PTPRA: variants seen among roughly 807,000 people sequenced by gnomAD.
PTPRA encodes protein tyrosine phosphatase receptor type A.
A neutral mutation model predicts 104.8 loss-of-function variants in PTPRA; 25 were observed. The ratio of observed to expected loss-of-function variants is 0.24; its 90% confidence interval spans 0.17 to 0.33. The LOEUF (loss-of-function observed/expected upper bound fraction) is 0.33, where lower values mean the gene tolerates loss of function less well. Among genes scored for constraint, PTPRA ranks in the 10% least tolerant of loss-of-function variants. The pLI is 1.00. For missense variants in PTPRA, 765 were observed against 1,015.3 expected (o/e 0.75, Z 3.35); for synonymous variants, 323 against 368.9 (o/e 0.88, Z 1.43).
At chr20:2,928,108 G>A (rs187847029) in intron 2 of PTPRA, among the ~76,000 whole-genome samples, 1 of 152,152 alleles carries the variant, frequency 6.6e-6, no homozygotes, top group Admixed American at 6.5e-5. Context: ...GACTCTTTCT[G>A]GTATCCGTTT....
intron 9 of PTPRA, among the ~76,000 whole-genome samples, chr20:2,993,140 TGA>T (rs2063258913): frequency 6.6e-6 from 1 of 152,176 alleles, no homozygotes; most frequent in Admixed American, 6.6e-5. Context: ...TGGATTAAAT[TGA>T]GAGATCAGAG....
intron 20 of PTPRA, among the ~76,000 whole-genome samples, chr20:3,029,158 T>TGTTTGTTG (rs1455672888): frequency 3.3e-5 from 5 of 150,452 alleles, no homozygotes; most frequent in African/African-American, 1.2e-4. Context: ...TTTGTTTGTT[T>TGTTTGTTG]GAGAGAGGGT....
intron 9 of PTPRA, among the ~76,000 whole-genome samples, chr20:3,001,478 C>T (rs1431412290): frequency 1.3e-5 from 2 of 152,174 alleles, no homozygotes; most frequent in Admixed American, 6.5e-5. Flanking sequence ...GCTGTCCCTA[C>T]GTCTGTTCTA....
rs372089558 is a variant in PTPRA, at chr20:2,988,016, A to T, written c.528-16A>T. 48 of 1,539,632 alleles carry T rather than the reference A, an allele frequency of 3.1e-5. No homozygotes were observed. The highest frequency in any genetic ancestry group is 3.4e-4 in the Middle Eastern group (2 of 5,950). On this transcript the variant is annotated splice_polypyrimidine_tract_variant and intron_variant, in intron 7 of 23. Coordinates refer to ENST00000399903, the MANE Select transcript of PTPRA (RefSeq NM_001385305.1). The stretch of plus-strand genomic sequence containing the variant: ...CCTCTGTGCTCCATTCTTCACTGTG[A>T]TCATTTTCTCATTAGGTTTAAGAAA...
At chr20:3,034,986 G>T (rs1421116534) in intron 20 of PTPRA, among the ~76,000 whole-genome samples, 2 of 152,132 alleles carry the variant, frequency 1.3e-5, no homozygotes, top group African/African-American at 4.8e-5. Flanking sequence ...GAGATGAAAA[G>T]AGACGCAGCC....
rs1443948654 is a variant in PTPRA at position 2,905,519 on chromosome 20, TTAAC to T, written c.-128-17684_-128-17681del. On this transcript the variant is annotated intron_variant, in intron 1 of 23. Coordinates refer to ENST00000399903, the MANE Select transcript of PTPRA (RefSeq NM_001385305.1). ...TGTAATTTTATAATTTAATTAAACA[TTAAC>T]TAATGAAATATGACTGCAAAAAGTA... is the stretch of plus-strand genomic sequence containing the variant. Among the ~76,000 whole-genome samples, 6 of 152,212 alleles carry T rather than the reference TTAAC, an allele frequency of 3.9e-5. No homozygotes were observed. In the East Asian group the frequency reaches 5.8e-4, roughly 15 times the overall value.
intron 5 of PTPRA, among the ~76,000 whole-genome samples, chr20:2,971,353 C>G (rs1277881134): frequency 6.6e-6 from 1 of 151,868 alleles, no homozygotes; most frequent in East Asian, 1.9e-4. Context: ...ATAAATGGAG[C>G]ATTTTCTTCC....
chr20:2,913,656 G>T (rs564692535), intron 1 of PTPRA, among the ~76,000 whole-genome samples: 1 of 127,946 alleles, frequency 7.8e-6, no homozygotes, highest in South Asian at 3.2e-4. Flanking sequence ...CACATAAATT[G>T]TGCTGTGTTC....
At chr20:2,881,168 G>A (rs988841262) in intron 1 of PTPRA, among the ~76,000 whole-genome samples, 2 of 146,266 alleles carry the variant, frequency 1.4e-5, no homozygotes, top group Admixed American at 6.7e-5. Flanking sequence ...TTCGCCGGGC[G>A]TGGTGGCGTG....
chr20:2,886,991 G>A (rs1325488666), intron 1 of PTPRA, among the ~76,000 whole-genome samples: 1 of 152,144 alleles, frequency 6.6e-6, no homozygotes, highest in Non-Finnish European at 1.5e-5. Context: ...TATAATGGGG[G>A]TGAAAAAATG....
chr20:2,896,390 C>CA (rs1370060941), intron 1 of PTPRA, among the ~76,000 whole-genome samples: 3 of 151,702 alleles, frequency 2.0e-5, no homozygotes, highest in African/African-American at 7.3e-5. Flanking sequence ...AAAACAAAAA[C>CA]AAAAAACAAA....
At chr20:2,910,317 A>ATATATATTTTGTATAT in intron 1 of PTPRA, among the ~76,000 whole-genome samples, 1 of 61,362 alleles carries the variant, frequency 1.6e-5, no homozygotes, top group African/African-American at 4.8e-5. Flanking sequence ...ATATATTATA[A>ATATATATTTTGTATAT]TATATATTTT....
chr20:2,883,651 C>CAAA (rs71195803), intron 1 of PTPRA, among the ~76,000 whole-genome samples: 1 of 3,238 alleles, frequency 3.1e-4, no homozygotes, highest in Non-Finnish European at 4.5e-4. Context: ...GACTCCGTCT[C>CAAA]AAAAAAAAAA....
chr20:2,909,920 AT>A, intron 1 of PTPRA, among the ~76,000 whole-genome samples: 1 of 131,190 alleles, frequency 7.6e-6, no homozygotes, highest in African/African-American at 3.0e-5. Flanking sequence ...TATATGTTAT[AT>A]ATTGTTATAT....
intron 11 of PTPRA, among the ~76,000 whole-genome samples, chr20:3,014,414 G>A (rs1413215713): frequency 6.6e-6 from 1 of 152,040 alleles, no homozygotes; most frequent in African/African-American, 2.4e-5. Flanking sequence ...AAGGTGGGCG[G>A]ATCATCTGAG....
upstream of PTPRA, among the ~76,000 whole-genome samples, chr20:2,870,029 A>G (rs1192973263): frequency 6.6e-6 from 1 of 151,118 alleles, no homozygotes; most frequent in African/African-American, 2.4e-5. Flanking sequence ...TTCTCAGGGT[A>G]AGGGGCTGTA....
chr20:2,991,664 G>C (rs1294047750), intron 9 of PTPRA, among the ~76,000 whole-genome samples: 1 of 152,142 alleles, frequency 6.6e-6, no homozygotes, highest in Non-Finnish European at 1.5e-5. Flanking sequence ...ATTCCTGGAG[G>C]CATGACAGGT....
intron 1 of PTPRA, among the ~76,000 whole-genome samples, chr20:2,885,221 A>T (rs1005814485): frequency 6.6e-6 from 1 of 152,064 alleles, no homozygotes; most frequent in Admixed American, 6.6e-5. Context: ...TGTTTTTTTT[A>T]ACTGTAGCCA....
intron 2 of PTPRA, among the ~76,000 whole-genome samples, chr20:2,933,081 G>A (rs1261112806): frequency 3.3e-5 from 5 of 152,196 alleles, no homozygotes; most frequent in Non-Finnish European, 2.9e-5. Flanking sequence ...CAAATCAGTA[G>A]ATTACATAAA....
Sources: allele counts gnomAD v4.1 joint callset (sites outside exome capture counted in the v4.1 genomes callset), GRCh38; gene constraint gnomAD v4.1.1; transcripts MANE v1.5; gene names NCBI Gene and HGNC (gene_info 2026-07-23, HGNC 2026-07-21).